NR2C2: variants seen among roughly 807,000 people sequenced by gnomAD.
NR2C2 encodes nuclear receptor subfamily 2 group C member 2.
A neutral mutation model predicts 62.9 loss-of-function variants in NR2C2; 6 were observed. The observed-to-expected ratio is 0.10, with a 90% CI of 0.05 to 0.19. The LOEUF is 0.19. Ranked by LOEUF, NR2C2 falls within the 10% of genes least tolerant of loss-of-function variation. The pLI, the probability that NR2C2 is intolerant of heterozygous loss-of-function variation, is 1.00. For synonymous variants in NR2C2, 272 were observed against 273.8 expected, an observed-to-expected ratio of 0.99 and a Z score of 0.07; for missense variants, 479 against 762.7, an observed-to-expected ratio of 0.63 and a Z score of 4.38.
At chr3:14,984,873 C>T (rs553673549) in intron 1 of NR2C2, among the ~76,000 whole-genome samples, 1 of 151,850 alleles carries the variant, frequency 6.6e-6, no homozygotes, top group Non-Finnish European at 1.5e-5. Context: ...TTTCCAAAGT[C>T]ATTGTATGAG....
chr3:15,007,682 C>G (rs570412548), intron 2 of NR2C2, among the ~76,000 whole-genome samples: 1 of 152,192 alleles, frequency 6.6e-6, no homozygotes, highest in South Asian at 2.1e-4. Context: ...AATGAGTAAG[C>G]CATGGTAAAA....
At chr3:14,956,567 G>A (rs1294515615) in intron 1 of NR2C2, among the ~76,000 whole-genome samples, 2 of 152,216 alleles carry the variant, frequency 1.3e-5, no homozygotes, top group Admixed American at 6.5e-5. Context: ...TTTGAGACAA[G>A]AGTTTTACTT....
At chr3:14,954,368 T>G (rs1247279661) in intron 1 of NR2C2, among the ~76,000 whole-genome samples, 1 of 152,100 alleles carries the variant, frequency 6.6e-6, no homozygotes, top group Non-Finnish European at 1.5e-5. Flanking sequence ...ACAGTTAATT[T>G]TTAAAAATAG....
In NR2C2 at chr3:14,957,927, T is replaced by TCGCC. The variant is rs1553636005; in HGVS notation, c.-40+10021_-40+10022insCGCC. On this transcript the variant is annotated intron_variant, in intron 1 of 13. Transcript: ENST00000425241. The stretch of plus-strand genomic sequence containing the variant: ...GTCTCTGTAATAATTCCACACCACA[T>TCGCC]TGCCATTCCTCAAATATGCCACTCT... 3.7e-4 allele frequency among the ~76,000 whole-genome samples: 57 copies of TCGCC among 152,054 alleles called. 1 individual carries two copies. The East Asian group carries it at 9.5e-3, about 25-fold the overall frequency.
chr3:15,005,642 T>C (rs1033652900), intron 2 of NR2C2, among the ~76,000 whole-genome samples: 16 of 151,792 alleles, frequency 1.1e-4, no homozygotes, highest in Non-Finnish European at 2.2e-4. Context: ...GCTGTCCTTT[T>C]GCCTCAGCCT....
At chr3:15,016,617 A>G (rs1422320080) in intron 4 of NR2C2, among the ~76,000 whole-genome samples, 1 of 152,182 alleles carries the variant, frequency 6.6e-6, no homozygotes, top group Non-Finnish European at 1.5e-5. Context: ...AACTGTAACT[A>G]TCTCTTAACA....
chr3:15,009,616 C>T (rs1164654167), intron 2 of NR2C2, among the ~76,000 whole-genome samples: 2 of 152,134 alleles, frequency 1.3e-5, no homozygotes, highest in African/African-American at 4.8e-5. Flanking sequence ...ACTTCATTCC[C>T]CCCAGTTTGT....
chr3:15,004,675 G>A lies in NR2C2; in HGVS notation c.72+689G>A, dbSNP rs2041117511. 64 of 1,561,676 alleles carry A rather than the reference G, an allele frequency of 4.1e-5. No homozygotes were observed. The South Asian group carries it at 7.5e-4, about 18-fold the overall frequency. On this transcript the variant is annotated intron_variant, in intron 2 of 13. Coordinates refer to ENST00000425241, the MANE Select transcript of NR2C2 (RefSeq NM_001291694.2). ...GAAGGGATAATATATTGATGACAAA[G>A]ATTTATTGTTATCTCAACAAGCTGA...
At chr3:14,971,810 C>CTTT (rs533448715) in intron 1 of NR2C2, among the ~76,000 whole-genome samples, 4 of 135,464 alleles carry the variant, frequency 3.0e-5, no homozygotes, top group East Asian at 2.1e-4. Context: ...TTTCTTTTTT[C>CTTT]TTTTTTTTTT....
chr3:15,032,257 C>T, intron 9 of NR2C2, 122 bp from the exon 10 acceptor site: 3 of 1,388,412 alleles, frequency 2.2e-6, no homozygotes, highest in Non-Finnish European at 3.0e-6. Flanking sequence ...CATGGGACTT[C>T]AGAATCAGAC....
chr3:15,042,981 T>C lies in NR2C2; in HGVS notation c.1764T>C (p.Asn588=), dbSNP rs987276120. ...YILKMETAEY[N]GQITGASL ...TCAAGATGGAGACAGCAGAGTATAA[T>C]GGCCAGATCACCGGAGCCAGTCTAT... is the stretch of plus-strand genomic sequence containing the variant. The change falls in exon 14 of 14, where the codon AAT becomes AAC. Residue 588 remains asparagine (N), a synonymous_variant. Coordinates refer to ENST00000425241, the MANE Select transcript of NR2C2 (RefSeq NM_001291694.2). 1.2e-6 allele frequency: 2 copies of C among 1,614,060 alleles called. No homozygotes were observed. Among genetic ancestry groups the C allele is most frequent in the African/African-American group, 1.3e-5 (1 of 74,938 alleles).
chr3:15,013,718 T>C lies in NR2C2; in HGVS notation c.202T>C (p.Ser68Pro). 6.2e-7 allele frequency: 1 copy of C among 1,614,196 alleles called. No individual in the cohort carries two copies. Among genetic ancestry groups the C allele is most frequent in the Non-Finnish European group, 8.5e-7 (1 of 1,180,020 alleles). ...TGGAACTGGGAAGGTGATCCTGGCT[T>C]CCCCAGAGACATCCAGCGCCAAGCA... ...GAGTGKVILA[S>P]PETSSAKQLI... is the part of the protein sequence containing the mutation. Residue 68 changes from serine to proline, a missense_variant, in exon 3 of 14, where the codon TCC becomes CCC. Physicochemically the swap from Ser to Pro is moderately conservative, Grantham distance 74. This residue lies in a region of NR2C2 where 115 missense variants were observed against 152.3 expected (regional missense o/e 0.76). Transcript: ENST00000425241.
In NR2C2 at chr3:15,048,848, C is replaced by G. The variant is rs1380052682; in HGVS notation, c.*5840C>G. On this transcript the variant is annotated 3_prime_UTR_variant, in exon 14 of 14. Coordinates refer to ENST00000425241, the MANE Select transcript of NR2C2 (RefSeq NM_001291694.2). ...TCTCTGTTAGAATGTAACTGCATTACCAGCCCTTTTAAAGGCATCTATCTA... is the reference window on the plus strand; with the variant it reads ...TCTCTGTTAGAATGTAACTGCATTAGCAGCCCTTTTAAAGGCATCTATCTA... The G allele has an allele frequency of 6.6e-6, 1 of 152,600 alleles. No individual in the cohort carries two copies. Among genetic ancestry groups the G allele is most frequent in the Admixed American group, 6.5e-5 (1 of 15,280 alleles). The allele number at this position is 152,600 out of a possible 1,614,324, so 9.5% of individuals were successfully genotyped here.
chr3:15,008,690 A>G (rs533029740), intron 2 of NR2C2, among the ~76,000 whole-genome samples: 12 of 152,336 alleles, frequency 7.9e-5, no homozygotes, highest in Non-Finnish European at 1.2e-4. Context: ...AGATCATTCC[A>G]GGGTCCTTTG....
chr3:15,040,028 G>A (rs377493978), intron 13 of NR2C2, among the ~76,000 whole-genome samples: 4 of 152,056 alleles, frequency 2.6e-5, no homozygotes, highest in South Asian at 2.1e-4. Context: ...GGTGGTAGGC[G>A]CCTGTAATCC....
At chr3:14,948,005 C>T (rs1054315287) in intron 1 of NR2C2, 99 bp downstream of exon 1, 1 of 152,062 alleles carries the variant, frequency 6.6e-6, no homozygotes, top group African/African-American at 2.4e-5. Context: ...TGAACCCGAC[C>T]CTTTTACCTT....
At chr3:14,990,468 T>C (rs1244959484) in intron 1 of NR2C2, among the ~76,000 whole-genome samples, 1 of 152,150 alleles carries the variant, frequency 6.6e-6, no homozygotes, top group East Asian at 1.9e-4. Context: ...TTACAGGCAG[T>C]GATAGTGTAC....
intron 1 of NR2C2, among the ~76,000 whole-genome samples, chr3:14,970,086 A>T (rs1208859475): frequency 1.3e-5 from 2 of 152,130 alleles, no homozygotes; most frequent in East Asian, 3.8e-4. Context: ...GTTGACCAAT[A>T]CAATATTAGG....
chr3:15,004,571 C>G, intron 2 of NR2C2: 1 of 1,612,748 alleles, frequency 6.2e-7, no homozygotes, highest in Non-Finnish European at 8.5e-7. Context: ...CTGAACCTGC[C>G]TCTGGCCCAT....
Sources: gnomAD v4.1 joint callset for allele counts (sites outside exome capture counted in the v4.1 genomes callset) on GRCh38, gnomAD v4.1.1 for gene constraint, gnomAD v4.1.1 regional missense constraint, MANE v1.5 for transcripts, NCBI Gene and HGNC (gene_info 2026-07-23, HGNC 2026-07-21) for gene names.